BABAM2: variants seen among roughly 807,000 people sequenced by gnomAD.
BABAM2 encodes the protein BRISC and BRCA1-A complex member 2.
Under a neutral mutation model 54.7 loss-of-function variants are expected in BABAM2, and 31 were observed. The observed-to-expected ratio is 0.57, with a 90% CI of 0.43 to 0.77. The LOEUF is 0.77. BABAM2 is among the 30% of genes least tolerant of loss of function. The probability of loss-of-function intolerance (pLI) is 0.00; values close to 1 mark genes in which losing one functional copy is unlikely to be tolerated. For synonymous variants in BABAM2, 167 were observed against 162.9 expected, an observed-to-expected ratio of 1.03 and a Z score of -0.19; for missense variants, 364 against 455.8, an observed-to-expected ratio of 0.80 and a Z score of 1.83.
chr2:28,026,320 T>G (rs1331541644), intron 5 of BABAM2, among the ~76,000 whole-genome samples: 1 of 152,106 alleles, frequency 6.6e-6, no homozygotes. Context: ...TAGCAAAGAC[T>G]TGGAACCAAC....
rs1179062903 is a variant in BABAM2, at chr2:28,131,076, A to ATTT, written c.680+1698_680+1699insTTT. 2.9e-3 allele frequency among the ~76,000 whole-genome samples: 15 copies of ATTT among 5,134 alleles called. 1 individual carries two copies. Among genetic ancestry groups the ATTT allele is most frequent in the African/African-American group, 0.011 (15 of 1,358 alleles). The allele number at this position is 5,134 out of a possible 152,430, so 3.4% of individuals were successfully genotyped here. A position where few individuals can be genotyped will look rare whatever the true frequency, so the allele number is the denominator to read the frequency against. ...TTTTATTATTATTATTATTATTATT[A>ATTT]TTATTTTTTTTTTTTTTTTTTTTGA... On this transcript the variant is annotated intron_variant, in intron 7 of 11. Transcript: ENST00000379624.
At chr2:28,110,014 A>T (rs1667864333) in intron 6 of BABAM2, among the ~76,000 whole-genome samples, 1 of 151,792 alleles carries the variant, frequency 6.6e-6, no homozygotes, top group Non-Finnish European at 1.5e-5. Context: ...TAAAACTAAA[A>T]CTCTAAACCT....
chr2:28,209,906 ATAAT>A (rs1200199095), intron 7 of BABAM2, among the ~76,000 whole-genome samples: 2 of 152,316 alleles, frequency 1.3e-5, no homozygotes, highest in South Asian at 2.1e-4. Flanking sequence ...AATATTTTAA[ATAAT>A]TAATATAGAG....
intron 10 of BABAM2, among the ~76,000 whole-genome samples, chr2:28,281,847 A>G (rs1445060571): frequency 6.6e-6 from 1 of 152,234 alleles, no homozygotes; most frequent in East Asian, 1.9e-4. Flanking sequence ...GACAATACAC[A>G]TTTGACCTGT....
rs1672305339 is a variant in BABAM2, at chr2:27,985,061, G to GTA, written c.206-2931_206-2930insAT. ...ATGGCTTAGTAGTATTCCATGATGT[G>GTA]TGTGTGTGTGTGTGTGTGTGTGTGT... On this transcript the variant is annotated intron_variant, in intron 3 of 11. Transcript: ENST00000379624. 2.8e-5 allele frequency among the ~76,000 whole-genome samples: 4 copies of GTA among 144,418 alleles called. No homozygotes were observed. In the South Asian group the frequency reaches 9.0e-4, roughly 32 times the overall value. 94.7% of individuals were successfully genotyped at this position (144,418 alleles called of 152,430 possible).
intron 6 of BABAM2, among the ~76,000 whole-genome samples, chr2:28,092,992 A>G (rs1181354922): frequency 1.3e-5 from 2 of 152,184 alleles, no homozygotes; most frequent in African/African-American, 2.4e-5. Flanking sequence ...TATGATTATC[A>G]TCAAATTATT....
chr2:28,104,602 T>C (rs1271708339), intron 6 of BABAM2, among the ~76,000 whole-genome samples: 1 of 151,762 alleles, frequency 6.6e-6, no homozygotes, highest in East Asian at 1.9e-4. Context: ...GACTGTAAAC[T>C]AGTTCAACCA....
intron 7 of BABAM2, among the ~76,000 whole-genome samples, chr2:28,224,662 C>G (rs1298714984): frequency 6.6e-6 from 1 of 152,060 alleles, no homozygotes; most frequent in Non-Finnish European, 1.5e-5. Flanking sequence ...AAGAAGCAAA[C>G]AGTCCCCATC....
intron 11 of BABAM2, among the ~76,000 whole-genome samples, chr2:28,328,494 A>C (rs1191251493): frequency 1.3e-5 from 2 of 151,850 alleles, no homozygotes; most frequent in African/African-American, 2.4e-5. Context: ...ACCACACCCC[A>C]CCCTACCACC....
At chr2:28,122,158 G>A (rs1669130287) in intron 6 of BABAM2, among the ~76,000 whole-genome samples, 1 of 152,104 alleles carries the variant, frequency 6.6e-6, no homozygotes, top group Non-Finnish European at 1.5e-5. Context: ...GGAGCTTGCA[G>A]TGAGCCGAGA....
intron 2 of BABAM2, among the ~76,000 whole-genome samples, chr2:27,899,390 C>T (rs1665597672): frequency 6.6e-6 from 1 of 151,652 alleles, no homozygotes; most frequent in South Asian, 2.1e-4. Context: ...TTTGGGTGTT[C>T]TCAAATTCCT....
intron 6 of BABAM2, among the ~76,000 whole-genome samples, chr2:28,065,870 G>A (rs1461646683): frequency 6.6e-6 from 1 of 151,708 alleles, no homozygotes; most frequent in Admixed American, 6.6e-5. Flanking sequence ...GCTGGGTGCG[G>A]TAGCTCATGC....
At chr2:28,155,925 A>G (rs1672502313) in intron 7 of BABAM2, among the ~76,000 whole-genome samples, 1 of 152,214 alleles carries the variant, frequency 6.6e-6, no homozygotes, top group African/African-American at 2.4e-5. Context: ...CGGATAATTC[A>G]TAACATGAGG....
intron 6 of BABAM2, among the ~76,000 whole-genome samples, chr2:28,103,542 C>G (rs1358781571): frequency 1.3e-5 from 2 of 152,128 alleles, no homozygotes; most frequent in Non-Finnish European, 2.9e-5. Context: ...CTCCAGGGTT[C>G]AATCCATCCT....
chr2:27,954,068 C>T (rs960122039), intron 3 of BABAM2, among the ~76,000 whole-genome samples: 1 of 152,100 alleles, frequency 6.6e-6, no homozygotes, highest in South Asian at 2.1e-4. Context: ...TGTTTGATAG[C>T]GGTGCACAAA....
chr2:27,977,634 AT>A (rs1671695161), intron 3 of BABAM2, among the ~76,000 whole-genome samples: 1 of 152,174 alleles, frequency 6.6e-6, no homozygotes, highest in Admixed American at 6.6e-5. Context: ...TAAGGCATGG[AT>A]TTTTGTATTT....
At chr2:28,072,217 G>A (rs1664208835) in intron 6 of BABAM2, among the ~76,000 whole-genome samples, 2 of 151,644 alleles carry the variant, frequency 1.3e-5, no homozygotes, top group Admixed American at 6.6e-5. Context: ...TCTGTCACCA[G>A]GCTGGAGGGC....
intron 7 of BABAM2, among the ~76,000 whole-genome samples, chr2:28,192,758 G>A (rs748958645): frequency 1.3e-5 from 2 of 151,814 alleles, no homozygotes; most frequent in African/African-American, 2.4e-5. Flanking sequence ...TCCTGACCTC[G>A]TGATCCGCCC....
chr2:28,222,593 C>G (rs752298567), intron 7 of BABAM2, among the ~76,000 whole-genome samples: 8 of 152,158 alleles, frequency 5.3e-5, no homozygotes, highest in African/African-American at 7.2e-5. Flanking sequence ...TAATACTGCT[C>G]TATTAGTACA....
Sources: gnomAD v4.1 joint callset for allele counts (sites outside exome capture counted in the v4.1 genomes callset) on GRCh38, gnomAD v4.1.1 for gene constraint, MANE v1.5 for transcripts, NCBI Gene and HGNC (gene_info 2026-07-23, HGNC 2026-07-21) for gene names.